The following PTPRT variants were observed in gnomAD, a reference collection of about 807,000 sequenced individuals.
The protein encoded by PTPRT is protein tyrosine phosphatase receptor type T.
A neutral mutation model predicts 176.8 loss-of-function variants in PTPRT; 56 were observed. The ratio of observed to expected loss-of-function variants is 0.32; its 90% CI spans 0.26 to 0.40. The LOEUF (loss-of-function observed/expected upper bound fraction) is 0.40. PTPRT is among the 10% of genes least tolerant of loss of function. The pLI, the probability that PTPRT is intolerant of heterozygous loss-of-function variation, is 1.00. For missense variants in PTPRT, 1,540 were observed against 1,908.2 expected, an observed-to-expected ratio of 0.81 and a Z score of 3.60; for synonymous variants, 783 against 739.0, an observed-to-expected ratio of 1.06 and a Z score of -0.96.
chr20:42,643,210 T>C (rs1400514839), intron 7 of PTPRT, among the ~76,000 whole-genome samples: 1 of 152,202 alleles, frequency 6.6e-6, no homozygotes, highest in Non-Finnish European at 1.5e-5. Flanking sequence ...TCTTCATACA[T>C]GCTGATAACA....
intron 15 of PTPRT, among the ~76,000 whole-genome samples, chr20:42,232,082 G>A (rs962629341): frequency 1.3e-5 from 2 of 152,076 alleles, no homozygotes; most frequent in Non-Finnish European, 2.9e-5. Flanking sequence ...AAAGCTCCAC[G>A]TGTGCAGGAA....
intron 1 of PTPRT, among the ~76,000 whole-genome samples, chr20:43,158,665 G>A (rs2014597268): frequency 2.0e-5 from 3 of 152,168 alleles, no homozygotes; most frequent in Non-Finnish European, 1.5e-5. Context: ...ACCCCAAGGG[G>A]TACAAGCACT....
the PTPRT span, among the ~76,000 whole-genome samples, chr20:42,065,608 T>C: frequency 6.6e-6 from 1 of 152,232 alleles, no homozygotes; most frequent in Non-Finnish European, 1.5e-5. Flanking sequence ...CAGGACCTCC[T>C]TGATAGATGA....
At chr20:42,039,209 GTTTAT>G in the PTPRT span, among the ~76,000 whole-genome samples, 4 of 152,090 alleles carry the variant, frequency 2.6e-5, no homozygotes, top group Non-Finnish European at 5.9e-5. Flanking sequence ...TTTTAAAAAT[GTTTAT>G]TTTAATTGAC....
the PTPRT span, among the ~76,000 whole-genome samples, chr20:42,051,148 TC>T: frequency 2.0e-5 from 3 of 152,090 alleles, no homozygotes; most frequent in African/African-American, 7.2e-5. Flanking sequence ...ACGGTTTGGG[TC>T]TTTGCTTTTC....
chr20:42,793,854 T>C (rs1356198161), intron 2 of PTPRT, among the ~76,000 whole-genome samples: 1 of 152,110 alleles, frequency 6.6e-6, no homozygotes, highest in Admixed American at 6.5e-5. Context: ...AAAGGGTTTG[T>C]GACTGCCTCT....
chr20:42,487,437 A>C (rs549350544), intron 7 of PTPRT, among the ~76,000 whole-genome samples: 1 of 152,318 alleles, frequency 6.6e-6, no homozygotes, highest in South Asian at 2.1e-4. Context: ...AAAGAGGTTC[A>C]CATCCTAATA....
At chr20:42,391,159 G>A (rs1445208243) in intron 9 of PTPRT, among the ~76,000 whole-genome samples, 4 of 152,156 alleles carry the variant, frequency 2.6e-5, no homozygotes, top group African/African-American at 9.7e-5. Context: ...TCTTTAAAAT[G>A]AGAATTAAAA....
At position 42,280,284 on chromosome 20, in the gene PTPRT, C is replaced by T. The variant is rs181889667; in HGVS notation, c.2176+2205G>A. On this transcript the variant is annotated intron_variant, in intron 13 of 30. Coordinates refer to ENST00000373187, the MANE Select transcript of PTPRT (RefSeq NM_007050.6). ...GCACCAAGTAGACACTCATCAAACA[C>T]AGGTCTGCTTCCCTTTGTCCTATGC... Among the ~76,000 whole-genome samples, 60 of 152,288 alleles carry T rather than the reference C, an allele frequency of 3.9e-4. No homozygotes were observed. In the East Asian group the frequency reaches 7.8e-3, roughly 20 times the overall value.
chr20:42,762,740 T>C (rs2076932222), intron 5 of PTPRT, among the ~76,000 whole-genome samples: 1 of 152,228 alleles, frequency 6.6e-6, no homozygotes, highest in African/African-American at 2.4e-5. Context: ...TTTCTTCCAA[T>C]TCATCCGTAC....
At chr20:42,767,423 A>G (rs905058332) in intron 5 of PTPRT, among the ~76,000 whole-genome samples, 1 of 152,000 alleles carries the variant, frequency 6.6e-6, no homozygotes, top group Non-Finnish European at 1.5e-5. Flanking sequence ...CTTCTCCTGA[A>G]CTTGGACTAG....
intron 27 of PTPRT, among the ~76,000 whole-genome samples, chr20:42,091,635 T>C (rs760368250): frequency 1.3e-5 from 2 of 152,248 alleles, no homozygotes; most frequent in African/African-American, 2.4e-5. Flanking sequence ...GTAAGTTTCC[T>C]GAATTGCTTT....
At chr20:43,020,121 TATATATAC>T (rs1397378782) in intron 1 of PTPRT, among the ~76,000 whole-genome samples, 38 of 129,484 alleles carry the variant, frequency 2.9e-4, no homozygotes, top group African/African-American at 1.3e-3. Context: ...TATATATATA[TATATATAC>T]ATATGCATGT....
At chr20:42,585,978 T>C (rs772347932) in intron 7 of PTPRT, among the ~76,000 whole-genome samples, 4 of 152,192 alleles carry the variant, frequency 2.6e-5, no homozygotes, top group East Asian at 1.9e-4. Flanking sequence ...TCACACACTA[T>C]ATAGCATTTG....
At chr20:42,151,697 G>A (rs6102695) in intron 17 of PTPRT, among the ~76,000 whole-genome samples, 4,484 of 152,158 alleles carry the variant, frequency 0.029, 226 homozygotes, top group African/African-American at 0.1. Context: ...GGTATTTCTC[G>A]TTCTAGATCC....
chr20:42,639,219 T>C (rs2074680464), intron 7 of PTPRT, among the ~76,000 whole-genome samples: 1 of 151,756 alleles, frequency 6.6e-6, no homozygotes, highest in South Asian at 2.1e-4. Flanking sequence ...GACAGTGGCA[T>C]TTACATTTTT....
intron 7 of PTPRT, among the ~76,000 whole-genome samples, chr20:42,590,472 G>T (rs2073549615): frequency 6.6e-6 from 1 of 152,180 alleles, no homozygotes; most frequent in Admixed American, 6.5e-5. Context: ...AGTTGAAGCA[G>T]ACTTTGTCCC....
chr20:42,187,830 C>T (rs1036283473), intron 16 of PTPRT, among the ~76,000 whole-genome samples: 4 of 152,172 alleles, frequency 2.6e-5, no homozygotes, highest in African/African-American at 7.2e-5. Flanking sequence ...GATGTTATAC[C>T]CTGAGCTTTA....
At chr20:43,179,775 A>G (rs3091983) in intron 1 of PTPRT, among the ~76,000 whole-genome samples, 96,882 of 152,156 alleles carry the variant, frequency 0.64, 33,876 homozygotes, top group Non-Finnish European at 0.79. Context: ...AACACACTTC[A>G]AAGGTTATAT....
Sources: allele counts gnomAD v4.1 joint callset (sites outside exome capture counted in the v4.1 genomes callset), GRCh38; gene constraint gnomAD v4.1.1; transcripts MANE v1.5; gene names NCBI Gene and HGNC (gene_info 2026-07-23, HGNC 2026-07-21).